The following GPAM variants were observed in gnomAD, a reference collection of about 807,000 sequenced individuals.
The protein encoded by GPAM is glycerol-3-phosphate acyltransferase 1, mitochondrial.
In GPAM, 56 loss-of-function variants were observed where a neutral mutation model predicts 105.0. The ratio of observed to expected loss-of-function variants is 0.53; its 90% confidence interval spans 0.43 to 0.67. GPAM has a LOEUF of 0.67. Among genes scored for constraint, GPAM ranks in the 30% least tolerant of loss-of-function variants. The pLI is 0.00. For missense variants in GPAM, 855 were observed against 989.8 expected (o/e 0.86, Z 1.83); for synonymous variants, 368 against 354.4 (o/e 1.04, Z -0.43).
intron 1 of GPAM, 64 bp from the exon 2 acceptor site, chr10:112,182,955 G>A (rs774284173): frequency 1.3e-5 from 2 of 152,208 alleles, no homozygotes; most frequent in Admixed American, 6.5e-5. Flanking sequence ...GCCAACAGGA[G>A]GTCCACGTTT....
chr10:112,166,446 A>G lies in GPAM; in HGVS notation c.1177T>C (p.Tyr393His), dbSNP rs1485258066. 3 of 1,611,190 alleles carry G rather than the reference A, an allele frequency of 1.9e-6. No homozygotes were observed. In the Admixed American group the frequency reaches 5.0e-5, roughly 27 times the overall value. Residue 393 changes from tyrosine to histidine, a missense_variant, in exon 12 of 22, where the codon TAT becomes CAT. Transcript: ENST00000348367. The part of the protein sequence containing the change: ...RGVIRMLRKN[Y>H]GCVRVDFAQP... The stretch of plus-strand genomic sequence containing the variant: ...GCAAAATCCACTCGGACACAACCAT[A>G]GTTTTTTCGTAACATTCTAATAACA...
upstream of GPAM, among the ~76,000 whole-genome samples, chr10:112,184,554 G>A (rs1847568207): frequency 6.6e-6 from 1 of 152,146 alleles, no homozygotes. Flanking sequence ...TGGAGCAACA[G>A]GACTGAATTT....
At chr10:112,215,669 ACATGGGGCGT>A (rs1488030260), upstream of GPAM, among the ~76,000 whole-genome samples, 3 of 152,190 alleles carry the variant, frequency 2.0e-5, no homozygotes, top group Non-Finnish European at 2.9e-5. Flanking sequence ...TTGAGTGTTC[ACATGGGGCGT>A]CAGGCTCCGG....
intron 21 of GPAM, 186 bp downstream of exon 21, chr10:112,154,443 T>C (rs1846978230): frequency 3.2e-6 from 2 of 619,852 alleles, no homozygotes; most frequent in South Asian, 1.9e-5. Context: ...TCTACACTGA[T>C]GGGCTTCACC....
At chr10:112,222,972 A>T in the GPAM span, among the ~76,000 whole-genome samples, 1,423 of 152,080 alleles carry the variant, frequency 9.4e-3, 19 homozygotes, top group African/African-American at 0.032. Flanking sequence ...TGACTCCACC[A>T]TGCCATTCCT....
At chr10:112,198,103 T>C (rs939021791) in intron 1 of GPAM, among the ~76,000 whole-genome samples, 4 of 152,216 alleles carry the variant, frequency 2.6e-5, no homozygotes, top group Admixed American at 1.3e-4. Context: ...CTAATAATAG[T>C]ACCTACTTTA....
chr10:112,224,357 A>C, the GPAM span, among the ~76,000 whole-genome samples: 1 of 152,286 alleles, frequency 6.6e-6, no homozygotes, highest in African/African-American at 2.4e-5. Flanking sequence ...CATCTCCTGG[A>C]AAGTAGGGAT....
rs2133222825 is a variant in GPAM, at chr10:112,154,640, T to G, written c.2359A>C (p.Lys787Gln). Residue 787 changes from lysine (K) to glutamine (Q), a missense_variant, in exon 21 of 22, where the codon AAG becomes CAG. Coordinates refer to ENST00000348367, the MANE Select transcript of GPAM (RefSeq NM_001244949.2). ...CLVKNAVKMF[K>Q]DIGVFKETKQ... Reference sequence around the variant, plus strand: ...TGGTGGACACCTACCCCAATATCCTTAAACATTTTCACAGCATTCTTCACA... The same window carrying G: ...TGGTGGACACCTACCCCAATATCCTGAAACATTTTCACAGCATTCTTCACA... 6.2e-7 allele frequency: 1 copy of G among 1,604,746 alleles called. No individual in the cohort carries two copies. The highest frequency in any genetic ancestry group is 2.2e-5 in the East Asian group (1 of 44,830).
chr10:112,172,526 G>A (rs980268934), intron 8 of GPAM, among the ~76,000 whole-genome samples: 1 of 152,126 alleles, frequency 6.6e-6, no homozygotes, highest in African/African-American at 2.4e-5. Flanking sequence ...AATAAGTTGG[G>A]GGAAGAAGAG....
chr10:112,163,476 A>T (rs1240450980), intron 14 of GPAM, among the ~76,000 whole-genome samples: 5 of 152,250 alleles, frequency 3.3e-5, no homozygotes, highest in African/African-American at 1.2e-4. Flanking sequence ...AAAGTACAAC[A>T]ACTACCACAT....
chr10:112,154,906 A>G (rs1316064343), intron 20 of GPAM: 1 of 602,444 alleles, frequency 1.7e-6, no homozygotes, highest in African/African-American at 1.9e-5. Context: ...ATATTGAGGT[A>G]AATAAGAAAG....
intron 12 of GPAM, among the ~76,000 whole-genome samples, chr10:112,164,824 A>G (rs1847184846): frequency 6.6e-6 from 1 of 152,240 alleles, no homozygotes; most frequent in African/African-American, 2.4e-5. Flanking sequence ...AACACTGAAG[A>G]CACAAAGAAT....
intron 1 of GPAM, among the ~76,000 whole-genome samples, chr10:112,209,028 G>A (rs1463778065): frequency 6.6e-6 from 1 of 152,228 alleles, no homozygotes. Flanking sequence ...GGCAAGGACA[G>A]GGATTGGGGA....
chr10:112,213,292 T>A (rs547378342), intron 1 of GPAM, among the ~76,000 whole-genome samples: 1 of 152,232 alleles, frequency 6.6e-6, no homozygotes. Context: ...CTGTGTTAAC[T>A]TGGGCAGTTT....
At chr10:112,159,216 C>CTTTTTTTTTTTTTT in intron 17 of GPAM, among the ~76,000 whole-genome samples, 1 of 86,982 alleles carries the variant, frequency 1.1e-5, no homozygotes, top group Non-Finnish European at 2.2e-5. Flanking sequence ...AGATGATTTT[C>CTTTTTTTTTTTTTT]TTTTTTTTTT....
chr10:112,153,364 C>T lies in GPAM; in HGVS notation c.*186G>A. ...CCCCCCAAGTGTTATCTGCAGGCTG[C>T]TGTGTTGATGCAGAGCTGGGAAGAT... is the stretch of plus-strand genomic sequence containing the variant. On this transcript the variant is annotated 3_prime_UTR_variant, in exon 22 of 22. Coordinates refer to ENST00000348367, the MANE Select transcript of GPAM (RefSeq NM_001244949.2). The T allele has an allele frequency of 1.3e-6, 2 of 1,530,314 alleles. No homozygotes were observed. Among genetic ancestry groups the T allele is most frequent in the Non-Finnish European group, 1.7e-6 (2 of 1,144,588 alleles). 94.8% of individuals were successfully genotyped at this position (1,530,314 alleles called of 1,614,324 possible).
At chr10:112,179,292 T>A (rs191814855) in intron 4 of GPAM, among the ~76,000 whole-genome samples, 1 of 152,274 alleles carries the variant, frequency 6.6e-6, no homozygotes, top group East Asian at 1.9e-4. Flanking sequence ...ACCAAATTAT[T>A]TCCTATACCC....
chr10:112,169,104 T>C (rs557232001), intron 9 of GPAM, 152 bp from the exon 10 acceptor site: 1 of 632,352 alleles, frequency 1.6e-6, no homozygotes, highest in African/African-American at 1.8e-5. Context: ...TTTTTCATTT[T>C]CCATATTATC....
intron 1 of GPAM, among the ~76,000 whole-genome samples, chr10:112,199,072 G>A (rs1243118752): frequency 2.0e-5 from 3 of 149,986 alleles, no homozygotes; most frequent in East Asian, 2.0e-4. Context: ...ACAGACACAC[G>A]CCGCCACGCC....
Sources: gnomAD v4.1 joint callset for allele counts (sites outside exome capture counted in the v4.1 genomes callset) on GRCh38, gnomAD v4.1.1 for gene constraint, MANE v1.5 for transcripts, NCBI Gene and HGNC (gene_info 2026-07-23, HGNC 2026-07-21) for gene names.